Variants in SLC22A15 observed in about 807,000 individuals in gnomAD.
The protein encoded by SLC22A15 is flipt 1.
In SLC22A15, 45 loss-of-function variants were observed where a neutral mutation model predicts 62.7. The observed-to-expected ratio is 0.72, with a 90% CI of 0.56 to 0.92. SLC22A15 has a LOEUF of 0.92. Ranked by LOEUF, SLC22A15 falls within the 40% of genes least tolerant of loss-of-function variation. SLC22A15 has a pLI of 0.00. For synonymous variants in SLC22A15, 264 were observed against 267.0 expected, an observed-to-expected ratio of 0.99 and a Z score of 0.11; for missense variants, 622 against 665.6, an observed-to-expected ratio of 0.93 and a Z score of 0.72.
In SLC22A15 at chr1:116,026,151, C is replaced by A. The variant is rs1189877030; in HGVS notation, c.599-742C>A. Among the ~76,000 whole-genome samples the A allele has an allele frequency of 2.6e-5, 4 of 152,156 alleles. No homozygotes were observed. In the East Asian group the frequency reaches 7.7e-4, roughly 29 times the overall value. On this transcript the variant is annotated intron_variant, in intron 4 of 11. Transcript: ENST00000369503. ...AACTTCGGCTGGGCAAGGTGGCTCA[C>A]GCCTGTAATCCCAGCACTTTGGGAG... is the stretch of plus-strand genomic sequence containing the variant.
intron 8 of SLC22A15, among the ~76,000 whole-genome samples, chr1:116,053,165 A>G (rs1418292833): frequency 6.6e-6 from 1 of 152,228 alleles, no homozygotes; most frequent in East Asian, 1.9e-4. Context: ...AAAAAAATTT[A>G]GACGAATTTA....
At chr1:116,044,782 AAT>A (rs1215356495) in intron 8 of SLC22A15, among the ~76,000 whole-genome samples, 2 of 152,222 alleles carry the variant, frequency 1.3e-5, no homozygotes, top group African/African-American at 2.4e-5. Context: ...TAAAATAAAA[AAT>A]ATGAAAAATT....
At chr1:115,980,971 A>G (rs1465162719) in intron 1 of SLC22A15, among the ~76,000 whole-genome samples, 1 of 152,150 alleles carries the variant, frequency 6.6e-6, no homozygotes, top group Non-Finnish European at 1.5e-5. Flanking sequence ...ATGGCTGTGA[A>G]TTGTGGTCCT....
At chr1:116,058,291 C>T (rs1048777435) in intron 8 of SLC22A15, among the ~76,000 whole-genome samples, 25 of 151,926 alleles carry the variant, frequency 1.6e-4, no homozygotes, top group African/African-American at 5.8e-4. Flanking sequence ...ACAATCCCAT[C>T]AAAAAGTGGG....
chr1:116,058,197 A>T (rs1482459425), intron 8 of SLC22A15, among the ~76,000 whole-genome samples: 1 of 152,158 alleles, frequency 6.6e-6, no homozygotes, highest in Non-Finnish European at 1.5e-5. Context: ...AGAGTGGGAG[A>T]AAATCTTCAC....
intron 1 of SLC22A15, among the ~76,000 whole-genome samples, chr1:115,988,996 A>G (rs1223274116): frequency 1.3e-5 from 2 of 152,098 alleles, no homozygotes; most frequent in Non-Finnish European, 2.9e-5. Flanking sequence ...GTATTGGAGG[A>G]GACAAAAAGG....
intron 2 of SLC22A15, among the ~76,000 whole-genome samples, chr1:116,014,884 A>C (rs1557886828): frequency 6.6e-6 from 1 of 152,210 alleles, no homozygotes; most frequent in Non-Finnish European, 1.5e-5. Context: ...AGGGGGAAGA[A>C]AATGAGCTAG....
chr1:116,002,179 A>G (rs1182423301), intron 2 of SLC22A15, among the ~76,000 whole-genome samples: 1 of 152,122 alleles, frequency 6.6e-6, no homozygotes, highest in East Asian at 1.9e-4. Flanking sequence ...CTCTTCCCTT[A>G]CTGTTTTCCA....
At chr1:115,986,298 G>A (rs933376899) in intron 1 of SLC22A15, among the ~76,000 whole-genome samples, 1 of 152,044 alleles carries the variant, frequency 6.6e-6, no homozygotes, top group African/African-American at 2.4e-5. Flanking sequence ...AGACTTTTAT[G>A]TATATAGCAG....
At chr1:116,010,908 C>T (rs577842164) in intron 2 of SLC22A15, among the ~76,000 whole-genome samples, 2 of 152,300 alleles carry the variant, frequency 1.3e-5, no homozygotes, top group Admixed American at 6.5e-5. Flanking sequence ...ACAAGAGGCT[C>T]GATCAATAGG....
At chr1:115,976,971 G>C (rs10923923) in intron 1 of SLC22A15, among the ~76,000 whole-genome samples, 73,745 of 151,976 alleles carry the variant, frequency 0.49, 20,577 homozygotes, top group Non-Finnish European at 0.64. Flanking sequence ...CTTGAGTGGT[G>C]GAAGGAGCGT....
At chr1:116,032,113 A>G (rs1557898036) in intron 6 of SLC22A15, 1 of 985,366 alleles carries the variant, frequency 1.0e-6, no homozygotes, top group Non-Finnish European at 1.2e-6. Context: ...GAAGTGATGA[A>G]CCCTAAGCCA....
chr1:116,058,443 A>G (rs1658284597), intron 8 of SLC22A15, among the ~76,000 whole-genome samples: 2 of 152,234 alleles, frequency 1.3e-5, no homozygotes, highest in African/African-American at 2.4e-5. Flanking sequence ...AAGACTGGCC[A>G]TAATCAAAAA....
chr1:115,994,142 T>C (rs1449254199), intron 2 of SLC22A15, among the ~76,000 whole-genome samples: 1 of 152,100 alleles, frequency 6.6e-6, no homozygotes, highest in African/African-American at 2.4e-5. Flanking sequence ...GTTTTGGTCA[T>C]CTTTGTATTT....
intron 8 of SLC22A15, among the ~76,000 whole-genome samples, chr1:116,055,689 G>T (rs35828833): frequency 4.0e-5 from 6 of 151,638 alleles, no homozygotes; most frequent in East Asian, 3.9e-4. Context: ...CAGCAGCACA[G>T]CAAAAAGCTT....
At chr1:115,999,833 G>C (rs1655633331) in intron 2 of SLC22A15, among the ~76,000 whole-genome samples, 1 of 152,054 alleles carries the variant, frequency 6.6e-6, no homozygotes, top group Admixed American at 6.6e-5. Context: ...TCCACTTGCT[G>C]AATTGACCCC....
intron 5 of SLC22A15, among the ~76,000 whole-genome samples, chr1:116,030,920 T>C (rs1354269412): frequency 6.6e-6 from 1 of 152,164 alleles, no homozygotes; most frequent in Non-Finnish European, 1.5e-5. Context: ...GATTTCTATC[T>C]TGTCAGGCTT....
At chr1:115,989,735 C>T (rs1048391321) in intron 1 of SLC22A15, among the ~76,000 whole-genome samples, 1 of 151,070 alleles carries the variant, frequency 6.6e-6, no homozygotes, top group African/African-American at 2.4e-5. Context: ...GAGCCAAGAT[C>T]GCACCATTGT....
intron 2 of SLC22A15, among the ~76,000 whole-genome samples, chr1:116,012,608 T>G (rs945554780): frequency 6.6e-6 from 1 of 152,106 alleles, no homozygotes; most frequent in Non-Finnish European, 1.5e-5. Flanking sequence ...AATTAAAAAA[T>G]GGAAATTTAT....
Sources: gnomAD v4.1 joint callset for allele counts (sites outside exome capture counted in the v4.1 genomes callset) on GRCh38, gnomAD v4.1.1 for gene constraint, MANE v1.5 for transcripts, NCBI Gene and HGNC (gene_info 2026-07-23, HGNC 2026-07-21) for gene names.